Variants in ABCG1 observed in about 807,000 individuals in gnomAD.
ABCG1 encodes ATP-binding cassette sub-family G member 1.
In ABCG1, 29 loss-of-function variants were observed where a neutral mutation model predicts 69.2. The ratio of observed to expected loss-of-function variants is 0.42; its 90% CI spans 0.31 to 0.57. ABCG1 has a LOEUF of 0.57. Ranked by LOEUF, ABCG1 falls within the 20% of genes least tolerant of loss-of-function variation. The pLI is 0.15. For missense variants in ABCG1, 718 were observed against 898.1 expected, an observed-to-expected ratio of 0.80 and a Z score of 2.56; for synonymous variants, 370 against 374.8, an observed-to-expected ratio of 0.99 and a Z score of 0.15.
chr21:42,245,078 G>A lies in ABCG1; in HGVS notation c.286+19164G>A, dbSNP rs117967304. ...CTCAGGCCTGCAGTGGGAGCTGAGCGTCTGGAGTGAGGAGTGGTGTTTGCC... is the reference window on the plus strand; with the variant it reads ...CTCAGGCCTGCAGTGGGAGCTGAGCATCTGGAGTGAGGAGTGGTGTTTGCC... On this transcript the variant is annotated intron_variant, in intron 2 of 14. Transcript: ENST00000398449. Among the ~76,000 whole-genome samples, 160 of 152,324 alleles carry A rather than the reference G, an allele frequency of 1.1e-3. 2 individuals are homozygous for A. In the East Asian group the frequency reaches 0.027, roughly 26 times the overall value.
rs1009749717 is a variant in ABCG1, at chr21:42,276,228, T to G, written c.538-667T>G. 1 of 152,304 alleles carries G rather than the reference T, an allele frequency of 6.6e-6. No homozygotes were observed. Among genetic ancestry groups the G allele is most frequent in the Non-Finnish European group, 1.5e-5 (1 of 68,148 alleles). The allele number at this position is 152,304 out of a possible 1,614,324, so 9.4% of individuals were successfully genotyped here. A position where few individuals can be genotyped will look rare whatever the true frequency, so the allele number is the denominator to read the frequency against. On this transcript the variant is annotated intron_variant, in intron 4 of 14. Transcript: ENST00000398449. The surrounding 1 kb of genome is among the most constrained non-coding windows in gnomAD (Gnocchi z 5.3). ...CAGGGCCAGGAGCCCAGTGCTGTGTTAGCAAACGGGATCTCAAAAAACACA... is the reference window on the plus strand; with the variant it reads ...CAGGGCCAGGAGCCCAGTGCTGTGTGAGCAAACGGGATCTCAAAAAACACA...
intron 2 of ABCG1, among the ~76,000 whole-genome samples, chr21:42,203,308 A>G (rs978562822): frequency 2.0e-5 from 3 of 152,046 alleles, no homozygotes; most frequent in African/African-American, 7.2e-5. Context: ...AACATTTTTC[A>G]TTTTGATGTA....
chr21:42,262,809 G>A (rs1601409676), intron 2 of ABCG1, among the ~76,000 whole-genome samples: 1 of 152,224 alleles, frequency 6.6e-6, no homozygotes, highest in Non-Finnish European at 1.5e-5. Flanking sequence ...TATGTCACCT[G>A]TAAAAGATGG....
chr21:42,233,400 C>A (rs1297387224), intron 2 of ABCG1, among the ~76,000 whole-genome samples: 1 of 152,204 alleles, frequency 6.6e-6, no homozygotes, highest in Non-Finnish European at 1.5e-5. Context: ...CAAGGGACAG[C>A]CAGCTTCTGT....
intron 2 of ABCG1, among the ~76,000 whole-genome samples, chr21:42,249,629 T>C (rs1364268047): frequency 1.3e-5 from 2 of 152,182 alleles, no homozygotes; most frequent in Non-Finnish European, 2.9e-5. Context: ...GCATCAGCTA[T>C]TGCCATCATC....
intron 5 of ABCG1, among the ~76,000 whole-genome samples, chr21:42,281,977 A>G (rs2068818196): frequency 6.6e-6 from 1 of 152,226 alleles, no homozygotes; most frequent in South Asian, 2.1e-4. Context: ...CAGAGGCCAT[A>G]TGACTGATGA....
chr21:42,287,819 A>G lies in ABCG1; in HGVS notation c.974-70A>G. 6.8e-7 allele frequency: 1 copy of G among 1,461,498 alleles called. No homozygotes were observed. Among genetic ancestry groups the G allele is most frequent in the Non-Finnish European group, 9.2e-7 (1 of 1,089,670 alleles). The allele number at this position is 1,461,498 out of a possible 1,614,324, so 90.5% of individuals were successfully genotyped here. A position where few individuals can be genotyped will look rare whatever the true frequency, so the allele number is the denominator to read the frequency against. ...TTAAAACATTCCCACTTGAATAACGACTTTCGCATTTGGGTGGTTGGGGTG... is the reference window on the plus strand; with the variant it reads ...TTAAAACATTCCCACTTGAATAACGGCTTTCGCATTTGGGTGGTTGGGGTG... On this transcript the variant is annotated intron_variant, in intron 8 of 14. Transcript: ENST00000398449. This position sits in a 1 kb window ranked among gnomAD's most constrained non-coding sequence, Gnocchi z 6.2.
intron 2 of ABCG1, among the ~76,000 whole-genome samples, chr21:42,234,745 G>GACGTTCGCGCTCTTGCCC (rs2067951921): frequency 6.6e-6 from 1 of 152,194 alleles, no homozygotes; most frequent in Admixed American, 6.5e-5. Flanking sequence ...GACGCAGGGT[G>GACGTTCGCGCTCTTGCCC]ACGTTCGCGC....
chr21:42,289,882 G>A (rs1361221042), intron 10 of ABCG1, among the ~76,000 whole-genome samples, 168 bp from the exon 11 acceptor site: 1 of 152,192 alleles, frequency 6.6e-6, no homozygotes, highest in Non-Finnish European at 1.5e-5. Context: ...GTGTATGTGA[G>A]TCGCTTTAGG....
intron 1 of ABCG1, among the ~76,000 whole-genome samples, chr21:42,222,480 A>T (rs1249938350): frequency 6.6e-6 from 1 of 152,202 alleles, no homozygotes; most frequent in Non-Finnish European, 1.5e-5. Context: ...AAGATGCCGA[A>T]ACACCCACAA....
chr21:42,216,160 T>C (rs985829229), upstream of ABCG1: 2 of 451,732 alleles, frequency 4.4e-6, no homozygotes, highest in Non-Finnish European at 8.9e-6. Context: ...TCCGCCATGA[T>C]CATGAGGCTT....
At chr21:42,282,151 A>C (rs2068821330) in intron 5 of ABCG1, 123 bp from the exon 6 acceptor site, 2 of 1,380,326 alleles carry the variant, frequency 1.4e-6, no homozygotes, top group Non-Finnish European at 2.0e-6. Context: ...CGTGGCCTCC[A>C]CGTGGGCCAG....
chr21:42,207,954 G>A (rs562570349), intron 2 of ABCG1, among the ~76,000 whole-genome samples: 2 of 152,322 alleles, frequency 1.3e-5, no homozygotes, highest in South Asian at 4.1e-4. Flanking sequence ...TGCCCAGTGG[G>A]AGCAGAAGTC....
intron 2 of ABCG1, among the ~76,000 whole-genome samples, chr21:42,203,666 T>C (rs768554500): frequency 6.6e-6 from 1 of 152,252 alleles, no homozygotes; most frequent in African/African-American, 2.4e-5. Flanking sequence ...ATAAAATAAG[T>C]CTTGATACCA....
At chr21:42,285,505 CAAA>C (rs113652821) in intron 7 of ABCG1, among the ~76,000 whole-genome samples, 1 of 128,846 alleles carries the variant, frequency 7.8e-6, no homozygotes, top group Non-Finnish European at 1.7e-5. Context: ...GACCCTGTAT[CAAA>C]AAAAAAAAAA....
rs528698562 is a variant in ABCG1, at chr21:42,287,714, G to T, written c.974-175G>T. Among the ~76,000 whole-genome samples the T allele has an allele frequency of 6.6e-6, 1 of 152,366 alleles. No individual in the cohort carries two copies. Among genetic ancestry groups the T allele is most frequent in the African/African-American group, 2.4e-5 (1 of 41,594 alleles). On this transcript the variant is annotated intron_variant, in intron 8 of 14. Transcript: ENST00000398449. The surrounding 1 kb of genome is among the most constrained non-coding windows in gnomAD (Gnocchi z 6.2). ...ACATGATAAAGGGCCTTGCTGGGGGGTTTGAGAGCCGCACGCTGGTTGATA... is the reference window on the plus strand; with the variant it reads ...ACATGATAAAGGGCCTTGCTGGGGGTTTTGAGAGCCGCACGCTGGTTGATA...
chr21:42,262,327 A>C (rs2068427919), intron 2 of ABCG1, among the ~76,000 whole-genome samples: 3 of 152,200 alleles, frequency 2.0e-5, no homozygotes, highest in Non-Finnish European at 4.4e-5. Flanking sequence ...GTGGAATGAA[A>C]AATAAATTGA....
At position 42,291,150 on chromosome 21, in the gene ABCG1, G is replaced by A. The variant is rs758435564; in HGVS notation, c.1452G>A (p.Lys484=). The change falls in exon 12 of 15, where the codon AAG becomes AAA. Residue 484 remains lysine (K), a synonymous_variant. Transcript: ENST00000398449. This position sits in a 1 kb window ranked among gnomAD's most constrained non-coding sequence, Gnocchi z 6.4. ...ACCTGAACTACTGGTACAGCCTGAA[G>A]GCCTACTACCTGGCCAAGACCATGG... The part of the protein sequence containing the change: ...REHLNYWYSL[K]AYYLAKTMAD... 3.1e-6 allele frequency: 5 copies of A among 1,614,062 alleles called. No homozygotes were observed. Among genetic ancestry groups the A allele is most frequent in the Non-Finnish European group, 4.2e-6 (5 of 1,180,036 alleles).
At chr21:42,270,773 G>A (rs533876811) in intron 2 of ABCG1, among the ~76,000 whole-genome samples, 1 of 152,244 alleles carries the variant, frequency 6.6e-6, no homozygotes, top group East Asian at 1.9e-4. Flanking sequence ...ACTCTGAGAC[G>A]GGAATGGTGG....
Sources: allele counts gnomAD v4.1 joint callset (sites outside exome capture counted in the v4.1 genomes callset), GRCh38; gene constraint gnomAD v4.1.1; non-coding constraint Gnocchi (gnomAD v3.1); transcripts MANE v1.5; gene names NCBI Gene and HGNC (gene_info 2026-07-23, HGNC 2026-07-21).